Variants in PLCXD3 observed in about 807,000 individuals in gnomAD.
PLCXD3 encodes the protein phosphatidylinositol specific phospholipase C X domain containing 3.
PLCXD3 carries 19 observed loss-of-function variants against 25.5 expected under a neutral mutation model. The observed-to-expected ratio is 0.75, with a 90% CI of 0.52 to 1.09. PLCXD3 has a LOEUF of 1.09. Among genes scored for constraint, PLCXD3 ranks in the 50% least tolerant of loss-of-function variants. The probability of loss-of-function intolerance (pLI) is 0.00; values close to 1 mark genes in which losing one functional copy is unlikely to be tolerated. For synonymous variants in PLCXD3, 174 were observed against 137.6 expected, an observed-to-expected ratio of 1.26 and a Z score of -1.85; for missense variants, 411 against 388.1, an observed-to-expected ratio of 1.06 and a Z score of -0.50.
At chr5:41,388,258 G>A (rs975015175) in intron 1 of PLCXD3, among the ~76,000 whole-genome samples, 2 of 152,044 alleles carry the variant, frequency 1.3e-5, no homozygotes, top group Non-Finnish European at 2.9e-5. Context: ...CATTTACTGA[G>A]CATCAGCTGT....
chr5:41,365,291 G>A (rs1744902257), intron 2 of PLCXD3, among the ~76,000 whole-genome samples: 1 of 152,042 alleles, frequency 6.6e-6, no homozygotes, highest in South Asian at 2.1e-4. Context: ...CCTGATATAT[G>A]GGCATAAATT....
intron 1 of PLCXD3, among the ~76,000 whole-genome samples, chr5:41,417,693 C>T (rs1034593377): frequency 5.9e-5 from 9 of 152,164 alleles, no homozygotes; most frequent in African/African-American, 2.2e-4. Context: ...GAGAGTGCTG[C>T]CATCACAAAG....
At chr5:41,433,846 T>C (rs1000537396) in intron 1 of PLCXD3, among the ~76,000 whole-genome samples, 23 of 152,112 alleles carry the variant, frequency 1.5e-4, no homozygotes, top group Admixed American at 1.5e-3. Context: ...AACAAAAACA[T>C]AAAATGACTC....
chr5:41,357,064 TC>T (rs1744639371), intron 2 of PLCXD3, among the ~76,000 whole-genome samples: 1 of 152,230 alleles, frequency 6.6e-6, no homozygotes, highest in Non-Finnish European at 1.5e-5. Context: ...TTGACCTAAC[TC>T]TGAGATGGGC....
chr5:41,380,912 C>T (rs1047346356), intron 2 of PLCXD3, among the ~76,000 whole-genome samples: 1 of 152,106 alleles, frequency 6.6e-6, no homozygotes, highest in African/African-American at 2.4e-5. Context: ...AATTATACCT[C>T]ACAGGTAATG....
chr5:41,432,391 T>C (rs1580370659), intron 1 of PLCXD3, among the ~76,000 whole-genome samples: 2 of 152,338 alleles, frequency 1.3e-5, no homozygotes, highest in South Asian at 4.1e-4. Context: ...TTTTCTGCTG[T>C]CCAGCATGGG....
chr5:41,437,645 T>C (rs1042295483), intron 1 of PLCXD3, among the ~76,000 whole-genome samples: 1 of 152,158 alleles, frequency 6.6e-6, no homozygotes, highest in Non-Finnish European at 1.5e-5. Context: ...CAGAACCCCA[T>C]TGGTGCAAGA....
Position 41,382,223 on chromosome 5 carries a change from C to T in PLCXD3, c.415G>A (p.Val139Ile), listed in dbSNP as rs1745485252. Residue 139 changes from valine to isoleucine, a missense_variant, in exon 2 of 3, where the codon GTA becomes ATA. By Grantham distance (29) the Val-to-Ile change is conservative (BLOSUM62 3). Coordinates refer to ENST00000377801, the MANE Select transcript of PLCXD3 (RefSeq NM_001005473.3). ...NAFLTDHHKE[V>I]VFLDFNHFYG... is the part of the protein sequence containing the mutation. ...AAGTGGTTGAAGTCCAAGAACACTA[C>T]CTCCTTATGGTGATCTGTGAGGAAT... is the stretch of plus-strand genomic sequence containing the variant. 1.2e-6 allele frequency: 2 copies of T among 1,613,648 alleles called. No individual in the cohort carries two copies. Among genetic ancestry groups the T allele is most frequent in the African/African-American group, 1.3e-5 (1 of 74,896 alleles).
chr5:41,489,117 G>A (rs1433519492), intron 1 of PLCXD3, among the ~76,000 whole-genome samples: 5 of 152,130 alleles, frequency 3.3e-5, no homozygotes, highest in Non-Finnish European at 7.4e-5. Flanking sequence ...TAAGGTGTAA[G>A]GAAGGGATCC....
intron 2 of PLCXD3, among the ~76,000 whole-genome samples, chr5:41,318,292 A>C (rs962644066): frequency 5.3e-5 from 8 of 152,168 alleles, no homozygotes; most frequent in African/African-American, 1.9e-4. Context: ...AAAACAAAGA[A>C]TATTATAACA....
intron 1 of PLCXD3, among the ~76,000 whole-genome samples, chr5:41,444,428 T>A (rs1180473646): frequency 6.6e-6 from 1 of 152,150 alleles, no homozygotes; most frequent in Non-Finnish European, 1.5e-5. Context: ...TCAGCTAGCA[T>A]CAGCCAACAT....
intron 1 of PLCXD3, among the ~76,000 whole-genome samples, chr5:41,468,548 T>C (rs1748077862): frequency 6.6e-6 from 1 of 152,218 alleles, no homozygotes; most frequent in African/African-American, 2.4e-5. Context: ...TTTCAATTAC[T>C]TTCATCAATG....
At chr5:41,367,958 A>G (rs1744984724) in intron 2 of PLCXD3, among the ~76,000 whole-genome samples, 1 of 152,000 alleles carries the variant, frequency 6.6e-6, no homozygotes, top group Non-Finnish European at 1.5e-5. Flanking sequence ...GTAGGTGTGC[A>G]GTCTTATTTC....
chr5:41,450,470 T>C lies in PLCXD3; in HGVS notation c.103+59954A>G, dbSNP rs117619402. ...ATAGTTTAAGGATGAAGTTTCCCAG[T>C]AGTGCCTGGGAAATGTGGCTGTCAG... On this transcript the variant is annotated intron_variant, in intron 1 of 2. Transcript: ENST00000377801. Among the ~76,000 whole-genome samples the C allele has an allele frequency of 3.3e-5, 5 of 152,250 alleles. No individual in the cohort carries two copies. The East Asian group carries it at 9.6e-4, about 29-fold the overall frequency.
chr5:41,462,966 A>G (rs1747927576), intron 1 of PLCXD3, among the ~76,000 whole-genome samples: 1 of 152,050 alleles, frequency 6.6e-6, no homozygotes, highest in South Asian at 2.1e-4. Context: ...AGAAGAATTA[A>G]TGAAAAGTAA....
At chr5:41,351,836 T>C (rs1451352613) in intron 2 of PLCXD3, among the ~76,000 whole-genome samples, 3 of 152,208 alleles carry the variant, frequency 2.0e-5, no homozygotes, top group Non-Finnish European at 4.4e-5. Flanking sequence ...AAATGCTAAG[T>C]CTAGCTTATA....
At chr5:41,418,300 G>A (rs1392464008) in intron 1 of PLCXD3, among the ~76,000 whole-genome samples, 2 of 152,172 alleles carry the variant, frequency 1.3e-5, no homozygotes, top group East Asian at 1.9e-4. Flanking sequence ...GATAAAACAT[G>A]AGGCTTCAAA....
At chr5:41,346,628 G>C (rs61282403) in intron 2 of PLCXD3, among the ~76,000 whole-genome samples, 12,873 of 152,002 alleles carry the variant, frequency 0.085, 842 homozygotes, top group East Asian at 0.36. Context: ...TTAAATATTT[G>C]TAAGTGTAAA....
At chr5:41,495,267 G>T (rs767881205) in intron 1 of PLCXD3, among the ~76,000 whole-genome samples, 1 of 152,210 alleles carries the variant, frequency 6.6e-6, no homozygotes, top group East Asian at 1.9e-4. Context: ...ACTGGCTTTT[G>T]TCTCACCTGT....
Sources: allele counts gnomAD v4.1 joint callset (sites outside exome capture counted in the v4.1 genomes callset), GRCh38; gene constraint gnomAD v4.1.1; transcripts MANE v1.5; gene names NCBI Gene and HGNC (gene_info 2026-07-23, HGNC 2026-07-21).